Variants in POTEI observed in about 807,000 individuals in gnomAD.
POTEI encodes the protein POTE ankyrin domain family member I.
In POTEI, 14 loss-of-function variants were observed where a neutral mutation model predicts 43.4. That is an observed-to-expected ratio of 0.32 (90% CI 0.21 to 0.50). The LOEUF (loss-of-function observed/expected upper bound fraction) is 0.50. POTEI is among the 20% of genes least tolerant of loss of function. The pLI is 0.98. For missense variants in POTEI, 235 were observed against 795.4 expected, an observed-to-expected ratio of 0.30 and a Z score of 8.47; for synonymous variants, 95 against 297.9, an observed-to-expected ratio of 0.32 and a Z score of 7.01.
intron 9 of POTEI, among the ~76,000 whole-genome samples, chr2:130,483,841 A>G (rs1306797395): frequency 6.6e-6 from 1 of 150,636 alleles, no homozygotes; most frequent in East Asian, 2.0e-4. Context: ...TCGGCCTCCC[A>G]AAGTGCTGTG....
intron 10 of POTEI, among the ~76,000 whole-genome samples, chr2:130,479,179 T>C (rs1311989306): frequency 6.8e-6 from 1 of 146,700 alleles, no homozygotes; most frequent in Non-Finnish European, 1.5e-5. Flanking sequence ...TCTGCCTCTG[T>C]TTTATATTCC....
chr2:130,507,309 T>C lies in POTEI; in HGVS notation c.521+1406A>G, dbSNP rs1309334261. Among the ~76,000 whole-genome samples the C allele has an allele frequency of 4.7e-4, 5 of 10,582 alleles. 1 individual carries two copies. The highest frequency in any genetic ancestry group is 2.7e-3 in the Non-Finnish European group (5 of 1,858). The allele number at this position is 10,582 out of a possible 152,430, so 6.9% of individuals were successfully genotyped here. Reference sequence around the variant, plus strand: ...ATATATATATATATATATATATATATATATATATACACACACACACACACA... The same window carrying C: ...ATATATATATATATATATATATATACATATATATACACACACACACACACA... On this transcript the variant is annotated intron_variant, in intron 1 of 14. Transcript: ENST00000451531.
In POTEI at chr2:130,495,469, G is replaced by C. The variant is rs1370976232; in HGVS notation, c.1126+1083C>G. Among the ~76,000 whole-genome samples, 5 of 42,450 alleles carry C rather than the reference G, an allele frequency of 1.2e-4. 2 individuals carry two copies. Among genetic ancestry groups the C allele is most frequent in the Admixed American group, 6.3e-4 (2 of 3,164 alleles). 27.8% of individuals were successfully genotyped at this position (42,450 alleles called of 152,430 possible). On this transcript the variant is annotated intron_variant, in intron 6 of 14. Coordinates refer to ENST00000451531, the MANE Select transcript of POTEI (RefSeq NM_001277406.2). ...GTTGAAAAAGCACAGAAATGAAATG[G>C]AGACAGCTCTATTATGAGCACCTTA...
intron 10 of POTEI, among the ~76,000 whole-genome samples, chr2:130,480,513 C>G (rs1558885781): frequency 6.7e-6 from 1 of 148,270 alleles, no homozygotes; most frequent in African/African-American, 2.5e-5. Flanking sequence ...CTGGCAAACA[C>G]ACAATCTCAC....
rs1351402019 is a variant in POTEI at position 130,479,884 on chromosome 2, C to T, written c.1480+2119G>A. On this transcript the variant is annotated intron_variant, in intron 10 of 14. Coordinates refer to ENST00000451531, the MANE Select transcript of POTEI (RefSeq NM_001277406.2). ...ATTGGGATATTTAATATCCCAATCC[C>T]CCTCCTCAGCCTCAGAAACAGAAAT... Among the ~76,000 whole-genome samples the T allele has an allele frequency of 5.8e-5, 2 of 34,350 alleles. 1 individual carries two copies. Among genetic ancestry groups the T allele is most frequent in the Non-Finnish European group, 1.1e-4 (2 of 18,596 alleles). The allele number at this position is 34,350 out of a possible 152,430, so 22.5% of individuals were successfully genotyped here.
chr2:130,509,067 G>GAACAAA lies in POTEI; in HGVS notation c.168_169insTTTGTT (p.Thr56_Leu57insPheVal), dbSNP rs1444342856. 28 of 1,494,906 alleles carry GAACAAA rather than the reference G, an allele frequency of 1.9e-5. No homozygotes were observed. The African/African-American group carries it at 3.7e-4, about 20-fold the overall frequency. 92.6% of individuals were successfully genotyped at this position (1,494,906 alleles called of 1,614,324 possible). Reference sequence around the variant, plus strand: ...CACCACTTGCCCATCTTGCTCCTGAGTGTCTTCATAGTGGAGTCGTCCTGG... The same window carrying GAACAAA: ...CACCACTTGCCCATCTTGCTCCTGAGAACAAATGTCTTCATAGTGGAGTCGTCCTGG... On this transcript the variant is annotated inframe_insertion, in exon 1 of 15. Coordinates refer to ENST00000451531, the MANE Select transcript of POTEI (RefSeq NM_001277406.2).
chr2:130,496,775 C>T (rs1329132673), intron 5 of POTEI, among the ~76,000 whole-genome samples, 153 bp from the exon 6 acceptor site: 1 of 145,940 alleles, frequency 6.9e-6, no homozygotes, highest in Non-Finnish European at 1.5e-5. Context: ...ATTCTACAAA[C>T]TTCTCTTTAA....
chr2:130,507,300 A>G (rs1684193659), intron 1 of POTEI, among the ~76,000 whole-genome samples: 1 of 11,182 alleles, frequency 8.9e-5, no homozygotes, highest in Non-Finnish European at 1.4e-3. Flanking sequence ...ATATATATAT[A>G]TATATATATA....
intron 8 of POTEI, among the ~76,000 whole-genome samples, chr2:130,488,460 C>A (rs1179685972): frequency 3.2e-5 from 1 of 31,400 alleles, no homozygotes; most frequent in Non-Finnish European, 1.1e-4. Flanking sequence ...TCAAAAAGGG[C>A]CCTCCTTCAT....
Position 130,461,259 on chromosome 2 carries a change from C to T in POTEI, c.*1557G>A, listed in dbSNP as rs1189337878. 6.6e-6 allele frequency: 1 copy of T among 151,792 alleles called. No homozygotes were observed. The allele number at this position is 151,792 out of a possible 1,614,324, so 9.4% of individuals were successfully genotyped here. A position where few individuals can be genotyped will look rare whatever the true frequency, so the allele number is the denominator to read the frequency against. The stretch of plus-strand genomic sequence containing the variant: ...ACTTCAGCCCCTGGTCCGCCTCAGA[C>T]ACTCTGAAGCCCTAAGGCTGAAATG... On this transcript the variant is annotated 3_prime_UTR_variant, in exon 15 of 15. Transcript: ENST00000451531.
chr2:130,467,515 A>C (rs1239657686), intron 13 of POTEI, among the ~76,000 whole-genome samples: 2 of 138,074 alleles, frequency 1.4e-5, no homozygotes, highest in East Asian at 2.2e-4. Context: ...AATTAATTCA[A>C]GATGGATGAA....
chr2:130,507,309 TATATATATACACACACAC>T (rs1684197929), intron 1 of POTEI, among the ~76,000 whole-genome samples: 5 of 10,584 alleles, frequency 4.7e-4, no homozygotes, highest in Non-Finnish European at 1.1e-3. Flanking sequence ...TATATATATA[TATATATATACACACACAC>T]ACACACACAC....
intron 10 of POTEI, among the ~76,000 whole-genome samples, chr2:130,481,634 T>C (rs1306600687): frequency 1.7e-4 from 1 of 5,936 alleles, no homozygotes; most frequent in African/African-American, 1.8e-4. Flanking sequence ...TAGATATTCA[T>C]AGGAGCATGA....
chr2:130,482,325 C>T (rs1485485325), intron 9 of POTEI, among the ~76,000 whole-genome samples: 1 of 147,220 alleles, frequency 6.8e-6, no homozygotes, highest in East Asian at 2.0e-4. Flanking sequence ...ATTAGCCTGA[C>T]ATAATAGAAA....
chr2:130,507,317 T>C (rs11893028), intron 1 of POTEI, among the ~76,000 whole-genome samples: 164 of 13,028 alleles, frequency 0.013, 4 homozygotes, highest in African/African-American at 0.031. Flanking sequence ...TATATATATA[T>C]ACACACACAC....
intron 1 of POTEI, among the ~76,000 whole-genome samples, chr2:130,505,439 TAA>T (rs1446609416): frequency 3.5e-5 from 1 of 28,418 alleles, no homozygotes; most frequent in African/African-American, 1.0e-4. Flanking sequence ...CAATTGAGAT[TAA>T]GTCCTAATGC....
rs1297986550 is a variant in POTEI at position 130,460,138 on chromosome 2, T to C, written c.*2678A>G. On this transcript the variant is annotated 3_prime_UTR_variant, in exon 15 of 15. Transcript: ENST00000451531. ...GTACAGTCCACTAGCACGGAAGCTA[T>C]GGTGTGGGCATCTAAGAGTGCCCCG... The C allele has an allele frequency of 2.7e-5, 4 of 150,688 alleles. No individual in the cohort carries two copies. Among genetic ancestry groups the C allele is most frequent in the African/African-American group, 1.0e-4 (4 of 39,860 alleles). 9.3% of individuals were successfully genotyped at this position (150,688 alleles called of 1,614,324 possible). A position where few individuals can be genotyped will look rare whatever the true frequency, so the allele number is the denominator to read the frequency against.
At chr2:130,478,708 T>C (rs1683290068) in intron 10 of POTEI, among the ~76,000 whole-genome samples, 1 of 92,742 alleles carries the variant, frequency 1.1e-5, no homozygotes, top group East Asian at 3.5e-4. Flanking sequence ...ACACAGGTCA[T>C]GGAGAGTATC....
intron 9 of POTEI, among the ~76,000 whole-genome samples, chr2:130,484,223 C>A (rs1338757242): frequency 2.7e-5 from 4 of 149,810 alleles, no homozygotes; most frequent in African/African-American, 5.0e-5. Context: ...ATACAAAAAA[C>A]CTTTTATTTG....
Sources: gnomAD v4.1 joint callset for allele counts (sites outside exome capture counted in the v4.1 genomes callset) on GRCh38, gnomAD v4.1.1 for gene constraint, MANE v1.5 for transcripts, NCBI Gene and HGNC (gene_info 2026-07-23, HGNC 2026-07-21) for gene names.